PLCE1: variants seen among roughly 807,000 people sequenced by gnomAD.
PLCE1 encodes the protein 1-phosphatidylinositol 4,5-bisphosphate phosphodiesterase epsilon-1.
Under a neutral mutation model 242.8 loss-of-function variants are expected in PLCE1, and 119 were observed. The observed-to-expected ratio is 0.49, with a 90% CI of 0.42 to 0.57. The LOEUF (loss-of-function observed/expected upper bound fraction) is 0.57, where lower values mean the gene tolerates loss of function less well. Among genes scored for constraint, PLCE1 ranks in the 20% least tolerant of loss-of-function variants. The pLI is 0.00. For synonymous variants in PLCE1, 945 were observed against 1,017.4 expected (o/e 0.93, Z 1.35); for missense variants, 2,441 against 2,788.8 (o/e 0.88, Z 2.81).
At chr10:94,297,590 T>TAAAAAAAAAAAAAAA (rs71031568) in intron 23 of PLCE1, among the ~76,000 whole-genome samples, 16 of 56,578 alleles carry the variant, frequency 2.8e-4, no homozygotes, top group South Asian at 1.0e-3. Flanking sequence ...TTTAAATTTG[T>TAAAAAAAAAAAAAAA]AAAAAAAAAA....
At chr10:94,320,915 G>T (rs1056585652) in intron 29 of PLCE1, among the ~76,000 whole-genome samples, 1 of 152,162 alleles carries the variant, frequency 6.6e-6, no homozygotes, top group Non-Finnish European at 1.5e-5. Context: ...GGGGTATTTT[G>T]TGGCGAATAA....
At chr10:94,118,253 C>T (rs1255937407) in intron 2 of PLCE1, among the ~76,000 whole-genome samples, 1 of 152,036 alleles carries the variant, frequency 6.6e-6, no homozygotes, top group East Asian at 1.9e-4. Flanking sequence ...CTTTGACATG[C>T]AGCTCAGGGT....
intron 14 of PLCE1, 103 bp downstream of exon 14, chr10:94,262,835 T>G (rs1282653238): frequency 1.1e-6 from 1 of 906,768 alleles, no homozygotes. Context: ...CCAAAGCCTT[T>G]AAATCTGGGA....
chr10:94,069,638 A>G (rs933810872), intron 2 of PLCE1, among the ~76,000 whole-genome samples: 1 of 149,346 alleles, frequency 6.7e-6, no homozygotes, highest in African/African-American at 2.6e-5. Flanking sequence ...ACAAACAAAC[A>G]AATAAACAGA....
At chr10:94,177,429 C>A (rs2048160074) in intron 4 of PLCE1, among the ~76,000 whole-genome samples, 1 of 152,210 alleles carries the variant, frequency 6.6e-6, no homozygotes, top group South Asian at 2.1e-4. Context: ...GGTCAGTCCT[C>A]AGGCAGAGCT....
In PLCE1 at chr10:94,076,615, GA is replaced by G. The variant is rs1425137391; in HGVS notation, c.1206+44365del. ...GCAGGATTCCTTTAATTTCTGCCAT[GA>G]AGGAAAAAAATAAAAAACCTCAGGA... On this transcript the variant is annotated intron_variant, in intron 2 of 32. Transcript: ENST00000371380. 3.3e-5 allele frequency among the ~76,000 whole-genome samples: 5 copies of G among 152,062 alleles called. No individual in the cohort carries two copies. The East Asian group carries it at 9.6e-4, about 29-fold the overall frequency.
Position 94,298,602 on chromosome 10 carries a change from C to G in PLCE1, c.5391C>G (p.Ser1797=). ...CTGCTGCCACCCGCATCGACTCTTC[C>G]AACCCGAACCCCCTCATGTTCTGGC... The part of the protein sequence containing the change: ...TYPAATRIDS[S]NPNPLMFWLH... Residue 1797 remains serine (S), a synonymous_variant, in exon 24 of 33, where the codon TCC becomes TCG. Coordinates refer to ENST00000371380, the MANE Select transcript of PLCE1 (RefSeq NM_016341.4). This position sits in a 1 kb window ranked among gnomAD's most constrained non-coding sequence, Gnocchi z 5.2. 1 of 1,614,108 alleles carries G rather than the reference C, an allele frequency of 6.2e-7. No homozygotes were observed. The highest frequency in any genetic ancestry group is 8.5e-7 in the Non-Finnish European group (1 of 1,179,974).
At chr10:94,125,028 T>C (rs2046399514) in intron 2 of PLCE1, among the ~76,000 whole-genome samples, 1 of 152,234 alleles carries the variant, frequency 6.6e-6, no homozygotes, top group South Asian at 2.1e-4. Context: ...GAATCCAATG[T>C]AGTCAGGGCC....
chr10:94,146,592 C>G (rs979084166), intron 3 of PLCE1, among the ~76,000 whole-genome samples: 9 of 152,204 alleles, frequency 5.9e-5, no homozygotes, highest in African/African-American at 2.2e-4. Context: ...CATTAGGGAT[C>G]CGTAGCCCTG....
rs761158188 is a variant in PLCE1 at position 94,031,955 on chromosome 10, C to T, written c.909C>T (p.Phe303=). The T allele has an allele frequency of 5.0e-6, 8 of 1,613,724 alleles. No homozygotes were observed. Among genetic ancestry groups the T allele is most frequent in the Admixed American group, 1.7e-5 (1 of 59,966 alleles). ...AKTFLSHFED[F]PDNCDDVEED... ...CCTTTTTGAGCCATTTTGAGGACTTCCCTGATAATTGTGATGATGTAGAAG... is the reference window on the plus strand; with the variant it reads ...CCTTTTTGAGCCATTTTGAGGACTTTCCTGATAATTGTGATGATGTAGAAG... The change falls in exon 2 of 33, where the codon TTC becomes TTT. Residue 303 remains phenylalanine, a synonymous_variant. Transcript: ENST00000371380.
chr10:94,058,579 A>C (rs1205960479), intron 2 of PLCE1, among the ~76,000 whole-genome samples: 1 of 152,162 alleles, frequency 6.6e-6, no homozygotes, highest in Non-Finnish European at 1.5e-5. Flanking sequence ...ATGCTGACTT[A>C]TGTGTCTCCC....
chr10:94,205,270 T>A (rs2136848866), intron 4 of PLCE1, among the ~76,000 whole-genome samples: 1 of 152,344 alleles, frequency 6.6e-6, no homozygotes, highest in South Asian at 2.1e-4. Context: ...AATTTTATTA[T>A]TATGGTAATA....
In PLCE1 at chr10:94,030,859, A is replaced by G. The variant is rs2061543657; in HGVS notation, c.-188A>G. ...TCTAGAAAAAATATATATTCATGAT[A>G]GGAAGTTATAACTAAGAAAATTTAT... On this transcript the variant is annotated 5_prime_UTR_variant, in exon 2 of 33. In the 5' UTR this introduces an upstream ATG that the reference lacks. Coordinates refer to ENST00000371380, the MANE Select transcript of PLCE1 (RefSeq NM_016341.4). The G allele has an allele frequency of 1.6e-6, 1 of 619,344 alleles. No homozygotes were observed. The highest frequency in any genetic ancestry group is 1.9e-5 in the African/African-American group (1 of 54,026). The allele number at this position is 619,344 out of a possible 1,614,324, so 38.4% of individuals were successfully genotyped here. A position where few individuals can be genotyped will look rare whatever the true frequency, so the allele number is the denominator to read the frequency against.
chr10:94,049,354 A>T (rs192245752), intron 2 of PLCE1, among the ~76,000 whole-genome samples: 1 of 152,288 alleles, frequency 6.6e-6, no homozygotes, highest in African/African-American at 2.4e-5. Flanking sequence ...GGTGTGACGT[A>T]GGCAGGAATC....
At chr10:94,261,917 A>G (rs530919851) in intron 13 of PLCE1, among the ~76,000 whole-genome samples, 2 of 152,234 alleles carry the variant, frequency 1.3e-5, no homozygotes, top group South Asian at 4.1e-4. Flanking sequence ...AATTTCACCT[A>G]AGTCCCCAGC....
chr10:94,015,058 C>T (rs2061252891), intron 1 of PLCE1, among the ~76,000 whole-genome samples: 1 of 152,222 alleles, frequency 6.6e-6, no homozygotes, highest in African/African-American at 2.4e-5. Context: ...ATGACTTAAT[C>T]TGTCAAAACC....
chr10:94,164,239 C>T (rs2047716438), intron 3 of PLCE1, among the ~76,000 whole-genome samples: 1 of 152,198 alleles, frequency 6.6e-6, no homozygotes, highest in African/African-American at 2.4e-5. Context: ...TAATATCCTG[C>T]AGAGTGTTTT....
intron 2 of PLCE1, among the ~76,000 whole-genome samples, chr10:94,035,292 CG>C (rs2061641491): frequency 1.3e-5 from 2 of 152,132 alleles, no homozygotes; most frequent in South Asian, 4.1e-4. Context: ...GGTTGTGAAT[CG>C]GGTGTAAATT....
chr10:94,299,272 G>T (rs763955680), intron 24 of PLCE1, among the ~76,000 whole-genome samples: 2 of 152,142 alleles, frequency 1.3e-5, no homozygotes, highest in Non-Finnish European at 2.9e-5. Context: ...TTTATTGCAC[G>T]CTTACTGTGC....
Sources: allele counts gnomAD v4.1 joint callset (sites outside exome capture counted in the v4.1 genomes callset), GRCh38; gene constraint gnomAD v4.1.1; non-coding constraint Gnocchi (gnomAD v3.1); transcripts MANE v1.5; gene names NCBI Gene and HGNC (gene_info 2026-07-23, HGNC 2026-07-21).